AIFM3: variants seen among roughly 807,000 people sequenced by gnomAD.
The protein encoded by AIFM3 is apoptosis-inducing factor 3.
Under a neutral mutation model 82.7 loss-of-function variants are expected in AIFM3, and 71 were observed. The observed-to-expected ratio is 0.86, with a 90% CI of 0.71 to 1.05. AIFM3 has a LOEUF of 1.05. AIFM3 is among the 50% of genes least tolerant of loss of function. The probability of loss-of-function intolerance (pLI) is 0.00; values close to 1 mark genes in which losing one functional copy is unlikely to be tolerated. For synonymous variants in AIFM3, 337 were observed against 329.1 expected (o/e 1.02, Z -0.26); for missense variants, 748 against 816.7 (o/e 0.92, Z 1.03).
intron 17 of AIFM3, 49 bp downstream of exon 17, chr22:20,979,418 G>A: frequency 1.3e-6 from 2 of 1,521,324 alleles, no homozygotes; most frequent in African/African-American, 1.4e-5. Flanking sequence ...GTTTAGGGGC[G>A]GGGCTTGGGT....
At chr22:20,974,220 G>A (rs1473981895) in intron 5 of AIFM3, 32 bp from the exon 6 acceptor site, 13 of 1,613,746 alleles carry the variant, frequency 8.1e-6, no homozygotes, top group Non-Finnish European at 8.5e-6. Context: ...TGTGGGGTTC[G>A]GGGCTGGTCC....
At position 20,974,521 on chromosome 22, in the gene AIFM3, A is replaced by G. The variant is rs764350593; in HGVS notation, c.511-4A>G. On this transcript the variant is annotated splice_region_variant and splice_polypyrimidine_tract_variant and intron_variant, in intron 6 of 20. Transcript: ENST00000440238. Reference sequence around the variant, plus strand: ...GTGACCCTCCACCCTCCTGGCACCCACAGGCCCTACAGCTGCAGCGAAGGA... The same window carrying G: ...GTGACCCTCCACCCTCCTGGCACCCGCAGGCCCTACAGCTGCAGCGAAGGA... 1 of 1,610,268 alleles carries G rather than the reference A, an allele frequency of 6.2e-7. No individual in the cohort carries two copies. Among genetic ancestry groups the G allele is most frequent in the Non-Finnish European group, 8.5e-7 (1 of 1,178,618 alleles).
rs1218620543 is a variant in AIFM3 at position 20,979,439 on chromosome 22, G to A, written c.1576+70G>A. Reference sequence around the variant, plus strand: ...GGGCGGGGCTTGGGTGTGGGGCGGGGCTGGGAGCCTAGGGGCAGGGCTATG... The same window carrying A: ...GGGCGGGGCTTGGGTGTGGGGCGGGACTGGGAGCCTAGGGGCAGGGCTATG... On this transcript the variant is annotated intron_variant, in intron 17 of 20. Coordinates refer to ENST00000440238, the MANE Select transcript of AIFM3 (RefSeq NM_001386814.1). 4.1e-6 allele frequency: 6 copies of A among 1,477,330 alleles called. No individual in the cohort carries two copies. The African/African-American group carries it at 8.5e-5, about 21-fold the overall frequency. The allele number at this position is 1,477,330 out of a possible 1,614,324, so 91.5% of individuals were successfully genotyped here. A position where few individuals can be genotyped will look rare whatever the true frequency, so the allele number is the denominator to read the frequency against.
At chr22:20,969,779 G>A (rs934486529) in intron 2 of AIFM3, among the ~76,000 whole-genome samples, 6 of 152,156 alleles carry the variant, frequency 3.9e-5, no homozygotes, top group Non-Finnish European at 5.9e-5. Context: ...CAGGCCCCAG[G>A]TGCCCATGCT....
At chr22:20,972,724 C>T (rs1373078084) in intron 2 of AIFM3, among the ~76,000 whole-genome samples, 1 of 152,168 alleles carries the variant, frequency 6.6e-6, no homozygotes, top group Non-Finnish European at 1.5e-5. Context: ...AGGAACTCAG[C>T]TCTGTGTCCC....
intron 8 of AIFM3, among the ~76,000 whole-genome samples, chr22:20,975,368 C>A (rs5997107): frequency 6.6e-6 from 1 of 151,606 alleles, no homozygotes; most frequent in African/African-American, 2.4e-5. Context: ...CGGGCTCAAA[C>A]GATCCTCCCA....
Position 20,973,887 on chromosome 22 carries a change from GC to G in AIFM3, c.355+21del. 6.6e-7 allele frequency: 1 copy of G among 1,506,232 alleles called. No individual in the cohort carries two copies. Among genetic ancestry groups the G allele is most frequent in the Admixed American group, 2.1e-5 (1 of 46,770 alleles). 93.3% of individuals were successfully genotyped at this position (1,506,232 alleles called of 1,614,324 possible). A position where few individuals can be genotyped will look rare whatever the true frequency, so the allele number is the denominator to read the frequency against. ...TGAAAGGTGAGCTGTCAGGTGGGAG[GC>G]GTGAGGGGGACCTTCCAGGCCCCAT... On this transcript the variant is annotated intron_variant, in intron 4 of 20. Coordinates refer to ENST00000440238, the MANE Select transcript of AIFM3 (RefSeq NM_001386814.1).
In AIFM3 at chr22:20,979,720, C is replaced by G; in HGVS notation, c.1652+18C>G. 1 of 1,613,956 alleles carries G rather than the reference C, an allele frequency of 6.2e-7. No individual in the cohort carries two copies. Reference sequence around the variant, plus strand: ...TACACTAAGTGAGAGCACCGGGGTGCAGCTTGGCGCGAAGCAGCGGGAGCT... The same window carrying G: ...TACACTAAGTGAGAGCACCGGGGTGGAGCTTGGCGCGAAGCAGCGGGAGCT... On this transcript the variant is annotated intron_variant, in intron 18 of 20. Coordinates refer to ENST00000440238, the MANE Select transcript of AIFM3 (RefSeq NM_001386814.1).
chr22:20,979,936 C>T (rs938882766), intron 18 of AIFM3, 84 bp from the exon 19 acceptor site: 1 of 1,348,288 alleles, frequency 7.4e-7, no homozygotes. Context: ...TTCCCTGGGC[C>T]CCAGATGGAC....
intron 2 of AIFM3, among the ~76,000 whole-genome samples, chr22:20,969,793 C>A (rs927204754): frequency 2.6e-5 from 4 of 152,166 alleles, no homozygotes; most frequent in Non-Finnish European, 4.4e-5. Flanking sequence ...CCATGCTGGG[C>A]AGGTCAGGCA....
rs1297443825 is a variant in AIFM3 at position 20,979,342 on chromosome 22, A to G, written c.1549A>G (p.Met517Val). 5.0e-6 allele frequency: 7 copies of G among 1,398,616 alleles called. No individual in the cohort carries two copies. In the Admixed American group the frequency reaches 1.1e-4, roughly 22 times the overall value. The allele number at this position is 1,398,616 out of a possible 1,614,324, so 86.6% of individuals were successfully genotyped here. The stretch of plus-strand genomic sequence containing the variant: ...CACTGTGCCCTACCTCTGGACCGCC[A>G]TGTTTGGCAAGAGCCTGCGCTACGC... Reference protein sequence around the residue: ...MSTVPYLWTAMFGKSLRYAGY... With the variant: ...MSTVPYLWTAVFGKSLRYAGY... Residue 517 changes from methionine (M) to valine (V), a missense_variant, in exon 17 of 21, where the codon ATG (methionine) becomes GTG (valine). Physicochemically the swap from Met to Val is conservative, Grantham distance 21 (BLOSUM62 1). Transcript: ENST00000440238.
chr22:20,975,533 G>C (rs1923583801), intron 8 of AIFM3, among the ~76,000 whole-genome samples, 159 bp from the exon 9 acceptor site: 1 of 152,208 alleles, frequency 6.6e-6, no homozygotes, highest in African/African-American at 2.4e-5. Context: ...GCCTCCCAAA[G>C]TGTTGGGATC....
At chr22:20,972,143 G>A (rs896780879) in intron 2 of AIFM3, among the ~76,000 whole-genome samples, 2 of 152,234 alleles carry the variant, frequency 1.3e-5, no homozygotes, top group Admixed American at 6.5e-5. Flanking sequence ...GGTGGCCCAC[G>A]CCTGTAATCC....
intron 2 of AIFM3, among the ~76,000 whole-genome samples, chr22:20,972,330 A>AG (rs1368472773): frequency 1.3e-5 from 2 of 150,166 alleles, no homozygotes; most frequent in African/African-American, 4.9e-5. Context: ...TGAACCTGGG[A>AG]GGGGGAAGTT....
chr22:20,979,389 TG>T lies in AIFM3; in HGVS notation c.1576+25del, dbSNP rs1233248669. ...ACGCGGGTAACCCCGGGGCCTCGGA[TG>T]GGGGCGGGGCCGAGGGCGTTTAGGG... On this transcript the variant is annotated intron_variant, in intron 17 of 20. Coordinates refer to ENST00000440238, the MANE Select transcript of AIFM3 (RefSeq NM_001386814.1). 4 of 877,106 alleles carry T rather than the reference TG, an allele frequency of 4.6e-6. No individual in the cohort carries two copies. Among genetic ancestry groups the T allele is most frequent in the African/African-American group, 6.7e-5 (2 of 29,776 alleles). 54.3% of individuals were successfully genotyped at this position (877,106 alleles called of 1,614,324 possible).
At position 20,976,321 on chromosome 22, in the gene AIFM3, T is replaced by A; in HGVS notation, c.899+15T>A. On this transcript the variant is annotated intron_variant, in intron 10 of 20. Transcript: ENST00000440238. ...CCAGGGAGCAGGTGGGAGGGTCTCCTTTTTACCCATCGGACACTAGGCAGG... is the reference window on the plus strand; with the variant it reads ...CCAGGGAGCAGGTGGGAGGGTCTCCATTTTACCCATCGGACACTAGGCAGG... 1 of 1,613,716 alleles carries A rather than the reference T, an allele frequency of 6.2e-7. No individual in the cohort carries two copies. Among genetic ancestry groups the A allele is most frequent in the Non-Finnish European group, 8.5e-7 (1 of 1,179,974 alleles).
At chr22:20,973,891 G>T in intron 4 of AIFM3, 24 bp downstream of exon 4, 1 of 1,503,164 alleles carries the variant, frequency 6.7e-7, no homozygotes, top group Non-Finnish European at 8.9e-7. Flanking sequence ...TGGGAGGCGT[G>T]AGGGGGACCT....
At chr22:20,980,307 GTT>G (rs1224715879) in intron 19 of AIFM3, 183 bp downstream of exon 19, 1 of 621,248 alleles carries the variant, frequency 1.6e-6, no homozygotes, top group African/African-American at 1.8e-5. Flanking sequence ...GAGCAGGCTG[GTT>G]ATGTGTTCAT....
Position 20,980,140 on chromosome 22 carries a change from G to A in AIFM3, c.1757+16G>A. The stretch of plus-strand genomic sequence containing the variant: ...GGGAGGTGGAGTGAGTGTGGGTGTG[G>A]GAAGCCTGGGGGTGGGAGTAGTTCC... On this transcript the variant is annotated intron_variant, in intron 19 of 20. Transcript: ENST00000440238. 6.2e-7 allele frequency: 1 copy of A among 1,603,090 alleles called. No individual in the cohort carries two copies.
Sources: allele counts gnomAD v4.1 joint callset (sites outside exome capture counted in the v4.1 genomes callset), GRCh38; gene constraint gnomAD v4.1.1; transcripts MANE v1.5; gene names NCBI Gene and HGNC (gene_info 2026-07-23, HGNC 2026-07-21).